VPS13D: variants seen among roughly 807,000 people sequenced by gnomAD.
VPS13D encodes the protein intermembrane lipid transfer protein VPS13D.
VPS13D carries 187 observed loss-of-function variants against 461.9 expected under a neutral mutation model. The observed-to-expected ratio is 0.40, with a 90% CI of 0.36 to 0.46. The LOEUF is 0.46. VPS13D is among the 20% of genes least tolerant of loss of function. VPS13D has a pLI of 0.60. For missense variants in VPS13D, 4,711 were observed against 5,364.9 expected (o/e 0.88, Z 3.81); for synonymous variants, 1,951 against 1,986.3 (o/e 0.98, Z 0.47).
At chr1:12,403,581 T>C (rs1230799652) in intron 62 of VPS13D, among the ~76,000 whole-genome samples, 1 of 152,212 alleles carries the variant, frequency 6.6e-6, no homozygotes, top group African/African-American at 2.4e-5. Flanking sequence ...ATCTGTTGGA[T>C]GGTATGGAGT....
At chr1:12,388,593 A>AG (rs201416490) in intron 60 of VPS13D, among the ~76,000 whole-genome samples, 2 of 151,520 alleles carry the variant, frequency 1.3e-5, no homozygotes, top group Admixed American at 1.3e-4. Flanking sequence ...AAAAAAAAAA[A>AG]GAAATCATAA....
At chr1:12,322,324 C>T (rs1643062018) in intron 33 of VPS13D, among the ~76,000 whole-genome samples, 1 of 152,128 alleles carries the variant, frequency 6.6e-6, no homozygotes, top group Admixed American at 6.6e-5. Flanking sequence ...CTACATGGTG[C>T]AGTTTTGTGA....
intron 14 of VPS13D, 47 bp downstream of exon 14, chr1:12,267,058 T>C: frequency 6.8e-7 from 1 of 1,476,474 alleles, no homozygotes; most frequent in East Asian, 2.4e-5. Flanking sequence ...TGTTGGTAAA[T>C]TGTAGTCTGT....
intron 63 of VPS13D, among the ~76,000 whole-genome samples, chr1:12,410,272 G>A (rs914916858): frequency 4.6e-5 from 7 of 152,250 alleles, no homozygotes; most frequent in African/African-American, 1.4e-4. Context: ...GTACTAGGGA[G>A]ATTAAAAGTG....
At chr1:12,479,978 T>C (rs1645691918) in intron 67 of VPS13D, among the ~76,000 whole-genome samples, 1 of 152,160 alleles carries the variant, frequency 6.6e-6, no homozygotes, top group African/African-American at 2.4e-5. Context: ...GAAGGGCTCA[T>C]GTTCAAGGGC....
intron 1 of VPS13D, among the ~76,000 whole-genome samples, chr1:12,233,129 C>T (rs1348139728): frequency 2.6e-5 from 4 of 152,036 alleles, no homozygotes; most frequent in Admixed American, 2.6e-4. Flanking sequence ...CCTCAGCCTC[C>T]CGAGTAGCTG....
In VPS13D at chr1:12,260,997, C is replaced by G; in HGVS notation, c.1262C>G (p.Pro421Arg). 6.2e-7 allele frequency: 1 copy of G among 1,613,908 alleles called. No homozygotes were observed. Among genetic ancestry groups the G allele is most frequent in the Non-Finnish European group, 8.5e-7 (1 of 1,180,026 alleles). ...TCTCCAGGAGCCTGTCCGGGAGCCC[C>G]AGAACCCGGTGGAGGCAGTGGGATG... Reference protein sequence around the residue: ...FDSPGACPGAPEPGGGSGMLQ... With the variant: ...FDSPGACPGAREPGGGSGMLQ... The change falls in exon 12 of 70, where the codon CCA becomes CGA. Residue 421 changes from proline (P) to arginine (R), a missense_variant. By Grantham distance (103) the Pro-to-Arg change is moderately radical (BLOSUM62 -2). This residue lies in a region of VPS13D where 4,411 missense variants were observed against 4,937.8 expected (regional missense o/e 0.89). Transcript: ENST00000620676.
intron 6 of VPS13D, among the ~76,000 whole-genome samples, chr1:12,253,180 G>A (rs2101246865): frequency 6.6e-6 from 1 of 151,582 alleles, no homozygotes; most frequent in South Asian, 2.1e-4. Context: ...AAAAAATTCT[G>A]TATAACAATG....
chr1:12,299,107 T>G lies in VPS13D; in HGVS notation c.6034-95T>G. 1 of 1,231,058 alleles carries G rather than the reference T, an allele frequency of 8.1e-7. No individual in the cohort carries two copies. Among genetic ancestry groups the G allele is most frequent in the Non-Finnish European group, 1.1e-6 (1 of 892,448 alleles). 76.3% of individuals were successfully genotyped at this position (1,231,058 alleles called of 1,614,324 possible). A position where few individuals can be genotyped will look rare whatever the true frequency, so the allele number is the denominator to read the frequency against. ...TATGCTCTGTATGATTTTAATTGTT[T>G]TATAAACTCACGAAACTTTTGGGAA... On this transcript the variant is annotated intron_variant, in intron 24 of 69. Transcript: ENST00000620676. The surrounding 1 kb of genome is among the most constrained non-coding windows in gnomAD (Gnocchi z 4.2).
At chr1:12,348,249 C>G (rs1426889649) in intron 44 of VPS13D, among the ~76,000 whole-genome samples, 1 of 152,178 alleles carries the variant, frequency 6.6e-6, no homozygotes, top group African/African-American at 2.4e-5. Context: ...GGGCAGTACC[C>G]AAGCCATTGT....
intron 31 of VPS13D, among the ~76,000 whole-genome samples, chr1:12,319,021 T>TA (rs1557706428): frequency 6.6e-6 from 1 of 152,206 alleles, no homozygotes; most frequent in East Asian, 1.9e-4. Flanking sequence ...GTTGAAAACT[T>TA]ACTGATTTCA....
intron 65 of VPS13D, among the ~76,000 whole-genome samples, chr1:12,425,587 T>C (rs1410009218): frequency 2.0e-5 from 3 of 151,128 alleles, no homozygotes; most frequent in African/African-American, 7.3e-5. Flanking sequence ...ATATCAGCGA[T>C]GTGAAGAGTG....
chr1:12,270,557 T>C (rs948741687), intron 16 of VPS13D, among the ~76,000 whole-genome samples: 6 of 152,232 alleles, frequency 3.9e-5, no homozygotes, highest in African/African-American at 1.4e-4. Flanking sequence ...TAGTTTGGAA[T>C]CTTTCAGAAA....
intron 54 of VPS13D, among the ~76,000 whole-genome samples, chr1:12,371,579 G>A (rs1435700091): frequency 6.6e-6 from 1 of 151,952 alleles, no homozygotes; most frequent in African/African-American, 2.4e-5. Context: ...TTTTAGTAGA[G>A]ATGGGATTTC....
intron 35 of VPS13D, 150 bp downstream of exon 35, chr1:12,323,930 G>C (rs1411685961): frequency 1.7e-5 from 13 of 766,412 alleles, no homozygotes; most frequent in Non-Finnish European, 2.3e-5. Flanking sequence ...ATCATCTTAG[G>C]TCAGTAATAA....
At chr1:12,278,649 G>A (rs1641689786) in intron 19 of VPS13D, among the ~76,000 whole-genome samples, 1 of 152,172 alleles carries the variant, frequency 6.6e-6, no homozygotes. Context: ...TCAGTGGATG[G>A]ATGTTGTTAA....
In VPS13D at chr1:12,317,947, C is replaced by T. The variant is rs541097069; in HGVS notation, c.7149-125C>T. The T allele has an allele frequency of 5.4e-6, 5 of 924,688 alleles. No homozygotes were observed. The Admixed American group carries it at 7.3e-5, about 14-fold the overall frequency. The allele number at this position is 924,688 out of a possible 1,614,324, so 57.3% of individuals were successfully genotyped here. A position where few individuals can be genotyped will look rare whatever the true frequency, so the allele number is the denominator to read the frequency against. On this transcript the variant is annotated intron_variant, in intron 30 of 69. Transcript: ENST00000620676. ...AACCAGTGTTCAAAGTTTACTGATA[C>T]TCAAAGCAGGCAGTTTGGAAAATAC...
rs570623062 is a variant in VPS13D, at chr1:12,420,350, G to T, written c.12333+3523G>T. Among the ~76,000 whole-genome samples the T allele has an allele frequency of 6.6e-5, 10 of 152,260 alleles. No homozygotes were observed. The South Asian group carries it at 1.9e-3, about 28-fold the overall frequency. On this transcript the variant is annotated intron_variant, in intron 65 of 69. Transcript: ENST00000620676. The stretch of plus-strand genomic sequence containing the variant: ...CAGAGGAGTTTGAGGAAGTACAAAT[G>T]ACCACAAGAATCAACTGTTGGCCTG...
chr1:12,289,691 C>T (rs752194239), intron 22 of VPS13D, among the ~76,000 whole-genome samples: 34 of 151,896 alleles, frequency 2.2e-4, no homozygotes, highest in Non-Finnish European at 4.3e-4. Flanking sequence ...CGGTGGCTCA[C>T]GCCTGTAATC....
Sources: gnomAD v4.1 joint callset for allele counts (sites outside exome capture counted in the v4.1 genomes callset) on GRCh38, gnomAD v4.1.1 for gene constraint, gnomAD v4.1.1 regional missense constraint, Gnocchi (gnomAD v3.1) non-coding constraint, MANE v1.5 for transcripts, NCBI Gene and HGNC (gene_info 2026-07-23, HGNC 2026-07-21) for gene names.